Variants in CELF2 observed in about 807,000 individuals in gnomAD.
The protein encoded by CELF2 is CUG triplet repeat RNA-binding protein 2.
In CELF2, 8 loss-of-function variants were observed where a neutral mutation model predicts 62.6. That is an observed-to-expected ratio of 0.13 (90% CI 0.07 to 0.23). The LOEUF is 0.23. Ranked by LOEUF, CELF2 falls within the 10% of genes least tolerant of loss-of-function variation. The pLI is 1.00. For missense variants in CELF2, 333 were observed against 671.0 expected (o/e 0.50, Z 5.56); for synonymous variants, 258 against 250.0 (o/e 1.03, Z -0.30).
chr10:10,600,249 T>A, the CELF2 span, among the ~76,000 whole-genome samples: 8 of 152,208 alleles, frequency 5.3e-5, no homozygotes, highest in African/African-American at 1.9e-4. Flanking sequence ...AAGCAAGGTT[T>A]CATTGAAAAG....
At chr10:10,836,441 T>C (rs2058292396) in intron 1 of CELF2, among the ~76,000 whole-genome samples, 1 of 152,174 alleles carries the variant, frequency 6.6e-6, no homozygotes, top group South Asian at 2.1e-4. Flanking sequence ...CTATTCGATA[T>C]GACAACACTG....
intron 2 of CELF2, among the ~76,000 whole-genome samples, chr10:11,206,775 G>A (rs530588924): frequency 2.0e-5 from 3 of 152,362 alleles, no homozygotes; most frequent in South Asian, 2.1e-4. Context: ...AATACAAAGC[G>A]TGATAAATTC....
chr10:10,787,491 A>G, the CELF2 span, among the ~76,000 whole-genome samples: 1 of 152,252 alleles, frequency 6.6e-6, no homozygotes, highest in East Asian at 1.9e-4. Flanking sequence ...CCCAATTTTC[A>G]TAAAACGCAA....
At chr10:10,991,406 T>C (rs2136691895) in intron 2 of CELF2, among the ~76,000 whole-genome samples, 1 of 152,278 alleles carries the variant, frequency 6.6e-6, no homozygotes, top group Non-Finnish European at 1.5e-5. Flanking sequence ...GGGATGATCC[T>C]GCTGAGAAGA....
chr10:11,058,344 C>T (rs1000945341), intron 1 of CELF2, among the ~76,000 whole-genome samples: 6 of 152,090 alleles, frequency 3.9e-5, no homozygotes, highest in Non-Finnish European at 8.8e-5. Flanking sequence ...ATTTGCATCC[C>T]ACTTCACTTC....
At chr10:10,971,531 T>G (rs2050752709) in intron 2 of CELF2, among the ~76,000 whole-genome samples, 1 of 152,196 alleles carries the variant, frequency 6.6e-6, no homozygotes, top group Non-Finnish European at 1.5e-5. Context: ...AAACCCAAGT[T>G]TCTGGAAAGA....
chr10:10,650,011 G>A, the CELF2 span, among the ~76,000 whole-genome samples: 5 of 152,264 alleles, frequency 3.3e-5, 1 homozygote, highest in East Asian at 7.7e-4. Context: ...ATTCTGTGTG[G>A]ATGGACTAGG....
chr10:11,334,835 G>A lies in CELF2; in HGVS notation c.*5782G>A, dbSNP rs150298098. The A allele has an allele frequency of 6.6e-6, 1 of 152,100 alleles. No individual in the cohort carries two copies. The highest frequency in any genetic ancestry group is 2.1e-4 in the South Asian group (1 of 4,820). The allele number at this position is 152,100 out of a possible 1,614,324, so 9.4% of individuals were successfully genotyped here. On this transcript the variant is annotated 3_prime_UTR_variant, in exon 13 of 13. Coordinates refer to ENST00000633077, the MANE Select transcript of CELF2 (RefSeq NM_001326342.2). ...CTTTCTAAAAGAAGTGAGTTCTCCA[G>A]GGAAGAAAAATCAACTTAGCCAGTG...
At position 10,938,300 on chromosome 10, in the gene CELF2, A is replaced by C. The variant is rs1433829277; in HGVS notation, c.89+18301A>C. Among the ~76,000 whole-genome samples, 1 of 152,254 alleles carries C rather than the reference A, an allele frequency of 6.6e-6. No individual in the cohort carries two copies. The highest frequency in any genetic ancestry group is 2.4e-5 in the African/African-American group (1 of 41,464). On this transcript the variant is annotated intron_variant, in intron 2 of 13. Transcript: ENST00000636488. This position sits in a 1 kb window ranked among gnomAD's most constrained non-coding sequence, Gnocchi z 4.2. ...AGTATAGGAAATGTTATTTAGATTT[A>C]ACAAAGGGCTGAACAGAGCAGCCAG... is the stretch of plus-strand genomic sequence containing the variant.
At chr10:10,567,376 G>A in the CELF2 span, among the ~76,000 whole-genome samples, 6 of 152,134 alleles carry the variant, frequency 3.9e-5, no homozygotes, top group Admixed American at 1.3e-4. Flanking sequence ...GTCACAGGTC[G>A]GGTTCCCTGG....
chr10:10,710,634 A>G, the CELF2 span, among the ~76,000 whole-genome samples: 3 of 151,958 alleles, frequency 2.0e-5, no homozygotes, highest in East Asian at 5.8e-4. Flanking sequence ...TTTTTTTCTC[A>G]CTGTTGTTTC....
rs535565628 is a variant in CELF2, at chr10:11,180,107, CTT to C, written c.271+14427_271+14428del. ...AAAACATAATAAAGAGAGTGAAAGACTTTCTAAATTGTAAAACTCCATACCCG... is the reference window on the plus strand; with the variant it reads ...AAAACATAATAAAGAGAGTGAAAGACTCTAAATTGTAAAACTCCATACCCG... On this transcript the variant is annotated intron_variant, in intron 2 of 12. Coordinates refer to ENST00000633077, the MANE Select transcript of CELF2 (RefSeq NM_001326342.2). Among the ~76,000 whole-genome samples the C allele has an allele frequency of 8.7e-4, 132 of 152,224 alleles. 1 individual carries two copies. The highest frequency in any genetic ancestry group is 3.1e-3 in the African/African-American group (127 of 41,522).
At chr10:10,820,519 A>G (rs1181828769) in intron 1 of CELF2, among the ~76,000 whole-genome samples, 1 of 152,218 alleles carries the variant, frequency 6.6e-6, no homozygotes, top group African/African-American at 2.4e-5. Flanking sequence ...ATAAACAGAC[A>G]TGGCCCCTGC....
In CELF2 at chr10:11,335,029, G is replaced by A. The variant is rs376068134; in HGVS notation, c.*5976G>A. 2 of 152,232 alleles carry A rather than the reference G, an allele frequency of 1.3e-5. No individual in the cohort carries two copies. Among genetic ancestry groups the A allele is most frequent in the African/African-American group, 4.8e-5 (2 of 41,464 alleles). The allele number at this position is 152,232 out of a possible 1,614,324, so 9.4% of individuals were successfully genotyped here. ...ATTTCCAAGGGCTCAAATGGAAGCT[G>A]TACTCAGTCCGGTGGAGGCAGGGGG... On this transcript the variant is annotated 3_prime_UTR_variant, in exon 13 of 13. Transcript: ENST00000633077. This position sits in a 1 kb window ranked among gnomAD's most constrained non-coding sequence, Gnocchi z 5.0.
At chr10:11,059,829 C>T (rs2066280113) in intron 1 of CELF2, among the ~76,000 whole-genome samples, 1 of 152,150 alleles carries the variant, frequency 6.6e-6, no homozygotes, top group Non-Finnish European at 1.5e-5. Flanking sequence ...TCTGAAATCC[C>T]TGGAATAGTG....
rs1234643468 is a variant in CELF2, at chr10:10,938,839, C to G, written c.89+18840C>G. Among the ~76,000 whole-genome samples the G allele has an allele frequency of 6.6e-6, 1 of 152,238 alleles. No individual in the cohort carries two copies. Among genetic ancestry groups the G allele is most frequent in the Non-Finnish European group, 1.5e-5 (1 of 68,046 alleles). On this transcript the variant is annotated intron_variant, in intron 2 of 13. Transcript: ENST00000636488. The surrounding 1 kb of genome is among the most constrained non-coding windows in gnomAD (Gnocchi z 4.2). Reference sequence around the variant, plus strand: ...TGAAGCACTGCCCCACCGAGGGACGCAGAAGCAGCTGTCTTTTTCCATCTG... The same window carrying G: ...TGAAGCACTGCCCCACCGAGGGACGGAGAAGCAGCTGTCTTTTTCCATCTG...
At chr10:10,658,832 T>C in the CELF2 span, among the ~76,000 whole-genome samples, 10 of 152,160 alleles carry the variant, frequency 6.6e-5, no homozygotes, top group Non-Finnish European at 1.3e-4. Context: ...CTGGAATTTA[T>C]GTTTTTAGAC....
the CELF2 span, among the ~76,000 whole-genome samples, chr10:10,557,381 C>T: frequency 2.6e-5 from 4 of 151,198 alleles, no homozygotes; most frequent in African/African-American, 9.8e-5. Context: ...CTTTTCTGTT[C>T]CATTGATCTA....
chr10:11,185,064 A>C (rs533360720), intron 2 of CELF2, among the ~76,000 whole-genome samples: 10 of 152,340 alleles, frequency 6.6e-5, no homozygotes, highest in African/African-American at 2.4e-4. Flanking sequence ...TGTTTTGCTG[A>C]GAATTATCAT....
Sources: allele counts gnomAD v4.1 joint callset (sites outside exome capture counted in the v4.1 genomes callset), GRCh38; gene constraint gnomAD v4.1.1; non-coding constraint Gnocchi (gnomAD v3.1); transcripts MANE v1.5; gene names NCBI Gene and HGNC (gene_info 2026-07-23, HGNC 2026-07-21).